BNC2: variants seen among roughly 807,000 people sequenced by gnomAD.
BNC2 encodes the protein zinc finger protein basonuclin-2.
A neutral mutation model predicts 76.3 loss-of-function variants in BNC2; 20 were observed. That is an observed-to-expected ratio of 0.26 (90% CI 0.18 to 0.38). BNC2 has a LOEUF of 0.38. Ranked by LOEUF, BNC2 falls within the 10% of genes least tolerant of loss-of-function variation. The pLI is 1.00. For missense variants in BNC2, 1,382 were observed against 1,399.8 expected (o/e 0.99, Z 0.20); for synonymous variants, 582 against 514.8 (o/e 1.13, Z -1.77).
chr9:16,617,194 CA>C (rs1195048288), intron 3 of BNC2, among the ~76,000 whole-genome samples: 3 of 152,058 alleles, frequency 2.0e-5, no homozygotes, highest in African/African-American at 7.2e-5. Flanking sequence ...GCCCTGCAAT[CA>C]AAATGAGGTA....
intron 5 of BNC2, among the ~76,000 whole-genome samples, chr9:16,463,591 C>T (rs979596312): frequency 7.0e-6 from 1 of 143,882 alleles, no homozygotes; most frequent in African/African-American, 3.0e-5. Flanking sequence ...CCACCGCGCC[C>T]GGCCAAATTC....
intron 5 of BNC2, among the ~76,000 whole-genome samples, chr9:16,509,250 C>T (rs1029961712): frequency 8.5e-5 from 13 of 152,316 alleles, no homozygotes; most frequent in East Asian, 1.9e-4. Context: ...CTGGTATCTT[C>T]TCTTACAGAT....
intron 3 of BNC2, among the ~76,000 whole-genome samples, chr9:16,683,004 C>G (rs1822869766): frequency 6.6e-6 from 1 of 152,120 alleles, no homozygotes; most frequent in Non-Finnish European, 1.5e-5. Flanking sequence ...ACTGGAGTAC[C>G]CACTTCAAAA....
chr9:16,564,250 A>G (rs1490546368), intron 4 of BNC2, among the ~76,000 whole-genome samples: 1 of 152,230 alleles, frequency 6.6e-6, no homozygotes, highest in African/African-American at 2.4e-5. Context: ...GCATATGAGA[A>G]TGTTAGGGTA....
At chr9:16,721,383 C>T (rs1824152113) in intron 3 of BNC2, among the ~76,000 whole-genome samples, 1 of 152,146 alleles carries the variant, frequency 6.6e-6, no homozygotes, top group African/African-American at 2.4e-5. Context: ...GACTCCCTTT[C>T]TCCTGTCTCC....
rs144753236 is a variant in BNC2, at chr9:16,700,056, G to C, written c.330+27741C>G. 4.6e-5 allele frequency among the ~76,000 whole-genome samples: 7 copies of C among 152,224 alleles called. No homozygotes were observed. The South Asian group carries it at 1.5e-3, about 32-fold the overall frequency. On this transcript the variant is annotated intron_variant, in intron 3 of 6. Coordinates refer to ENST00000380672, the MANE Select transcript of BNC2 (RefSeq NM_017637.6). ...TCCTTATGTTTACACATATATGCCT[G>C]TATGATATGTATATGTCTTTAATAG... is the stretch of plus-strand genomic sequence containing the variant.
intron 1 of BNC2, among the ~76,000 whole-genome samples, chr9:16,838,456 G>A (rs1818755582): frequency 6.6e-6 from 1 of 152,154 alleles, no homozygotes; most frequent in Non-Finnish European, 1.5e-5. Flanking sequence ...AGCTACTCGG[G>A]AGGCTGAGGC....
chr9:16,468,853 ACTCATATAC>A (rs1821753849), intron 5 of BNC2, among the ~76,000 whole-genome samples: 1 of 152,168 alleles, frequency 6.6e-6, no homozygotes, highest in Non-Finnish European at 1.5e-5. Context: ...TGAGGTGCAT[ACTCATATAC>A]CTCTAGTTGT....
At chr9:16,797,740 G>C (rs530981450) in intron 1 of BNC2, among the ~76,000 whole-genome samples, 3 of 152,076 alleles carry the variant, frequency 2.0e-5, no homozygotes, top group Non-Finnish European at 4.4e-5. Flanking sequence ...CTAGAAACCA[G>C]CAGACCTAAG....
intron 3 of BNC2, among the ~76,000 whole-genome samples, chr9:16,593,368 T>C (rs768968334): frequency 2.6e-5 from 4 of 152,122 alleles, no homozygotes; most frequent in African/African-American, 4.8e-5. Context: ...TAAGCATCCA[T>C]AGTCATTACC....
intron 3 of BNC2, among the ~76,000 whole-genome samples, chr9:16,696,331 T>A (rs1238235107): frequency 2.0e-5 from 3 of 152,208 alleles, no homozygotes; most frequent in Admixed American, 6.5e-5. Context: ...TGATAGACAC[T>A]CTAATTAGAA....
intron 3 of BNC2, among the ~76,000 whole-genome samples, chr9:16,633,554 A>G (rs1242988529): frequency 1.3e-5 from 2 of 152,220 alleles, no homozygotes; most frequent in African/African-American, 2.4e-5. Flanking sequence ...TCTACTTTGC[A>G]ATTATGTCTA....
intron 1 of BNC2, among the ~76,000 whole-genome samples, chr9:16,797,600 T>C (rs113454815): frequency 6.8e-4 from 104 of 152,286 alleles, no homozygotes; most frequent in Non-Finnish European, 1.3e-3. Flanking sequence ...ATGCATCTAG[T>C]AAGAGTGTCA....
intron 1 of BNC2, among the ~76,000 whole-genome samples, chr9:16,785,457 C>T (rs555632846): frequency 6.6e-6 from 1 of 151,866 alleles, no homozygotes; most frequent in South Asian, 2.1e-4. Flanking sequence ...TGCAGTGGCT[C>T]GTTATTGCCT....
At chr9:16,476,320 AC>A (rs1299000875) in intron 5 of BNC2, 1 of 152,186 alleles carries the variant, frequency 6.6e-6, no homozygotes, top group Non-Finnish European at 1.5e-5. Flanking sequence ...GCGTATCTAA[AC>A]CTAGGCTCCC....
At chr9:16,594,818 G>A (rs1006711304) in intron 3 of BNC2, among the ~76,000 whole-genome samples, 4 of 152,156 alleles carry the variant, frequency 2.6e-5, no homozygotes, top group African/African-American at 9.6e-5. Context: ...CTCAGCCTGG[G>A]CATGGGAGGA....
rs534533707 is a variant in BNC2 at position 16,504,053 on chromosome 9, C to T, written c.669+48477G>A. ...CCAGCACCTACAGGCAAGTCGGAAT[C>T]CATATGGCAAATTTAAGCAAAAACA... On this transcript the variant is annotated intron_variant, in intron 5 of 6. Coordinates refer to ENST00000380672, the MANE Select transcript of BNC2 (RefSeq NM_017637.6). 4.1e-4 allele frequency among the ~76,000 whole-genome samples: 63 copies of T among 152,156 alleles called. No homozygotes were observed. The Middle Eastern group carries it at 0.024, about 58-fold the overall frequency.
intron 5 of BNC2, among the ~76,000 whole-genome samples, chr9:16,447,574 C>G (rs1265984605): frequency 6.6e-6 from 1 of 151,900 alleles, no homozygotes; most frequent in African/African-American, 2.4e-5. Context: ...GGATGTTTCC[C>G]CTGATGTTTC....
chr9:16,843,909 G>A (rs147877531), intron 1 of BNC2, among the ~76,000 whole-genome samples: 2 of 152,288 alleles, frequency 1.3e-5, no homozygotes, highest in East Asian at 3.9e-4. Context: ...CCATGAGGAT[G>A]CAACGAGTAT....
Sources: gnomAD v4.1 joint callset for allele counts (sites outside exome capture counted in the v4.1 genomes callset) on GRCh38, gnomAD v4.1.1 for gene constraint, MANE v1.5 for transcripts, NCBI Gene and HGNC (gene_info 2026-07-23, HGNC 2026-07-21) for gene names.